The following TENM1 variants were observed in gnomAD, a reference collection of about 807,000 sequenced individuals.
The protein encoded by TENM1 is teneurin-1.
TENM1 carries 35 observed loss-of-function variants against 174.8 expected under a neutral mutation model. The ratio of observed to expected loss-of-function variants is 0.20; its 90% CI spans 0.15 to 0.27. The LOEUF (loss-of-function observed/expected upper bound fraction) is 0.27. Among genes scored for constraint, TENM1 ranks in the 10% least tolerant of loss-of-function variants. The pLI, the probability that TENM1 is intolerant of heterozygous loss-of-function variation, is 1.00. For synonymous variants in TENM1, 781 were observed against 798.7 expected (o/e 0.98, Z 0.37); for missense variants, 1,633 against 2,130.1 (o/e 0.77, Z 4.59).
At chrX:124,732,147 T>C (rs760387382) in intron 4 of TENM1, among the ~76,000 whole-genome samples, 1 of 112,070 alleles carries the variant, frequency 8.9e-6, no homozygotes, top group East Asian at 2.8e-4. Flanking sequence ...TTATCTTCCA[T>C]ACCAAACACA....
At chrX:124,708,150 T>A (rs553262548) in intron 4 of TENM1, among the ~76,000 whole-genome samples, 1 of 112,640 alleles carries the variant, frequency 8.9e-6, no homozygotes, top group Admixed American at 9.4e-5. Flanking sequence ...CATCACCTTG[T>A]ACATGTAATG....
intron 4 of TENM1, among the ~76,000 whole-genome samples, chrX:124,727,966 T>C (rs2053479516): frequency 9.1e-6 from 1 of 110,263 alleles, no homozygotes; most frequent in Non-Finnish European, 1.9e-5. Context: ...TATTGTTTTC[T>C]TTTTTTTTAT....
intron 22 of TENM1, among the ~76,000 whole-genome samples, chrX:124,458,734 TGAGA>T: frequency 8.9e-6 from 1 of 112,113 alleles, no homozygotes; most frequent in East Asian, 2.8e-4. Flanking sequence ...GAATTCTGAT[TGAGA>T]GAAAGACAGA....
At chrX:124,517,183 AAAAT>A (rs1486994267) in intron 18 of TENM1, among the ~76,000 whole-genome samples, 2 of 110,899 alleles carry the variant, frequency 1.8e-5, no homozygotes, top group Non-Finnish European at 3.8e-5. Flanking sequence ...AGGAGCAGCA[AAAAT>A]AACTATTGGG....
the TENM1 span, among the ~76,000 whole-genome samples, chrX:125,063,058 G>C: frequency 1.8e-5 from 2 of 112,213 alleles, no homozygotes; most frequent in African/African-American, 6.5e-5. Flanking sequence ...TGTCCTCTAT[G>C]ACATTTGTAT....
the TENM1 span, among the ~76,000 whole-genome samples, chrX:125,104,085 C>A: frequency 2.1e-4 from 23 of 111,980 alleles, no homozygotes; most frequent in Admixed American, 2.2e-3. Flanking sequence ...TAAGAAAGTT[C>A]ATTCATGTCA....
the TENM1 span, among the ~76,000 whole-genome samples, chrX:125,037,535 G>A: frequency 2.7e-5 from 3 of 110,497 alleles, no homozygotes; most frequent in Non-Finnish European, 3.8e-5. Flanking sequence ...GCCATACTGG[G>A]CCCTTGTTTT....
chrX:124,489,412 G>A (rs954184044), intron 20 of TENM1, among the ~76,000 whole-genome samples: 6 of 111,772 alleles, frequency 5.4e-5, no homozygotes, highest in Non-Finnish European at 1.1e-4. Flanking sequence ...TCTAAAATGT[G>A]TAATTCAGTG....
At chrX:124,597,312 G>T (rs1409213498) in intron 11 of TENM1, among the ~76,000 whole-genome samples, 1 of 112,023 alleles carries the variant, frequency 8.9e-6, no homozygotes, top group South Asian at 3.7e-4. Flanking sequence ...AGCAAATGTG[G>T]TATATAAATA....
chrX:125,194,621 C>T, the TENM1 span, among the ~76,000 whole-genome samples: 2 of 111,917 alleles, frequency 1.8e-5, no homozygotes, highest in Non-Finnish European at 3.8e-5. Flanking sequence ...TATCTCCATG[C>T]AGCAAAATAC....
chrX:125,098,541 T>C, the TENM1 span, among the ~76,000 whole-genome samples: 1 of 112,230 alleles, frequency 8.9e-6, no homozygotes, highest in Non-Finnish European at 1.9e-5. Context: ...GCGTTATTTC[T>C]TTTCAAGTTC....
At chrX:124,531,347 A>G (rs926302084) in intron 15 of TENM1, among the ~76,000 whole-genome samples, 1 of 110,048 alleles carries the variant, frequency 9.1e-6, no homozygotes, top group Non-Finnish European at 1.9e-5. Context: ...AGAAAGTAAA[A>G]CACCTTTGAA....
At chrX:125,169,789 ATTC>A in the TENM1 span, among the ~76,000 whole-genome samples, 3 of 109,045 alleles carry the variant, frequency 2.8e-5, no homozygotes, top group South Asian at 1.2e-3. Flanking sequence ...TTTCATTCTC[ATTC>A]TTCTTTTTAT....
intron 3 of TENM1, among the ~76,000 whole-genome samples, chrX:124,741,518 CAT>C (rs2053798385): frequency 9.0e-6 from 1 of 111,285 alleles, no homozygotes; most frequent in African/African-American, 3.3e-5. Context: ...CATTCAGAAA[CAT>C]AATCAATGAC....
chrX:124,418,307 G>C (rs1182748062), intron 25 of TENM1, among the ~76,000 whole-genome samples: 1 of 111,097 alleles, frequency 9.0e-6, no homozygotes, highest in African/African-American at 3.3e-5. Flanking sequence ...TCCTGCTGCA[G>C]GGCATTTATA....
the TENM1 span, among the ~76,000 whole-genome samples, chrX:125,196,338 T>C: frequency 9.0e-6 from 1 of 111,687 alleles, no homozygotes; most frequent in African/African-American, 3.2e-5. Flanking sequence ...GATGTATTCA[T>C]GTGTCTGTAA....
chrX:124,954,970 A>C (rs1433446339), intron 1 of TENM1, among the ~76,000 whole-genome samples: 10 of 111,584 alleles, frequency 9.0e-5, no homozygotes, highest in Non-Finnish European at 1.9e-5. Context: ...TCAAGTCATA[A>C]ACTACTTTAA....
At chrX:124,726,955 A>G (rs989280193) in intron 4 of TENM1, among the ~76,000 whole-genome samples, 1 of 112,118 alleles carries the variant, frequency 8.9e-6, no homozygotes, top group African/African-American at 3.2e-5. Context: ...CACATTGGTC[A>G]TATAAGTTTC....
intron 22 of TENM1, among the ~76,000 whole-genome samples, chrX:124,465,798 C>T (rs1308009393): frequency 1.8e-5 from 2 of 110,553 alleles, no homozygotes; most frequent in Non-Finnish European, 3.8e-5. Context: ...CAACCTAATT[C>T]TGTATTTTAG....
Sources: allele counts gnomAD v4.1 joint callset (sites outside exome capture counted in the v4.1 genomes callset), GRCh38; gene constraint gnomAD v4.1.1; transcripts MANE v1.5; gene names NCBI Gene and HGNC (gene_info 2026-07-23, HGNC 2026-07-21).